GIGYF2: variants seen among roughly 807,000 people sequenced by gnomAD.
GIGYF2 encodes GRB10 interacting GYF protein 2.
Under a neutral mutation model 208.1 loss-of-function variants are expected in GIGYF2, and 25 were observed. The observed-to-expected ratio is 0.12, with a 90% CI of 0.09 to 0.17. The LOEUF is 0.17. Among genes scored for constraint, GIGYF2 ranks in the 10% least tolerant of loss-of-function variants. GIGYF2 has a pLI of 1.00. For missense variants in GIGYF2, 1,302 were observed against 1,579.4 expected, an observed-to-expected ratio of 0.82 and a Z score of 2.98; for synonymous variants, 534 against 543.8, an observed-to-expected ratio of 0.98 and a Z score of 0.25.
rs1459263490 is a variant in GIGYF2 at position 232,816,941 on chromosome 2, A to C, written c.2279A>C (p.Glu760Ala). 8 of 1,612,102 alleles carry C rather than the reference A, an allele frequency of 5.0e-6. No individual in the cohort carries two copies. The highest frequency in any genetic ancestry group is 6.8e-6 in the Non-Finnish European group (8 of 1,178,232). Residue 760 changes from glutamate (E) to alanine (A), a missense_variant, in exon 20 of 29, where the codon GAA (glutamate) becomes GCA (alanine). Physicochemically the swap from Glu to Ala is moderately radical, Grantham distance 107. Coordinates refer to ENST00000373563, the MANE Select transcript of GIGYF2 (RefSeq NM_001103146.3). The stretch of plus-strand genomic sequence containing the variant: ...GAGGAAGAGCGAAAGAGGCAGGAAG[A>C]ACTCCGAAGACAACAGGAGGAAATT... ...REEEERKRQEELRRQQEEILR... is the reference protein window; with the variant it reads ...REEEERKRQEALRRQQEEILR...
At chr2:232,812,310 A>C in intron 17 of GIGYF2, 81 bp from the exon 18 acceptor site, 4 of 711,150 alleles carry the variant, frequency 5.6e-6, no homozygotes, top group Non-Finnish European at 5.1e-6. Context: ...AGAACCTGCT[A>C]ATCTAGAAAT....
At chr2:232,809,901 A>G (rs1303922873) in intron 16 of GIGYF2, 90 bp downstream of exon 16, 7 of 813,788 alleles carry the variant, frequency 8.6e-6, no homozygotes, top group Non-Finnish European at 1.5e-5. Context: ...TACAGTAGAG[A>G]GGACTAACGG....
chr2:232,782,591 G>C (rs1472895581), intron 8 of GIGYF2: 1 of 152,170 alleles, frequency 6.6e-6, no homozygotes, highest in Non-Finnish European at 1.5e-5. Flanking sequence ...CGTGTGGTTT[G>C]TTTATACAGT....
At position 232,739,828 on chromosome 2, in the gene GIGYF2, G is replaced by A. The variant is rs549112801; in HGVS notation, c.41+4590G>A. 7.9e-5 allele frequency among the ~76,000 whole-genome samples: 12 copies of A among 151,744 alleles called. 1 individual carries two copies. In the South Asian group the frequency reaches 2.1e-3, roughly 26 times the overall value. Reference sequence around the variant, plus strand: ...AAAAACAAATATTTAGGCCGGGCGCGGTGGCACATGCCTGTAATCCCAGCA... The same window carrying A: ...AAAAACAAATATTTAGGCCGGGCGCAGTGGCACATGCCTGTAATCCCAGCA... On this transcript the variant is annotated intron_variant, in intron 3 of 28. Transcript: ENST00000373563.
chr2:232,814,801 A>G (rs537147161), intron 18 of GIGYF2, among the ~76,000 whole-genome samples: 159 of 152,226 alleles, frequency 1.0e-3, no homozygotes, highest in African/African-American at 3.5e-3. Context: ...GTATTAAACA[A>G]TTTATCTCTT....
chr2:232,770,752 C>A, intron 8 of GIGYF2: 1 of 645,110 alleles, frequency 1.6e-6, no homozygotes. Flanking sequence ...TAAACTGTTT[C>A]TTTTCTATCT....
intron 2 of GIGYF2, among the ~76,000 whole-genome samples, chr2:232,718,578 T>G (rs1319156266): frequency 6.6e-6 from 1 of 152,214 alleles, no homozygotes; most frequent in African/African-American, 2.4e-5. Flanking sequence ...TCAGTTTCCT[T>G]GGATGTATGT....
intron 2 of GIGYF2, among the ~76,000 whole-genome samples, chr2:232,730,933 C>T (rs1697464074): frequency 2.1e-5 from 3 of 142,002 alleles, no homozygotes; most frequent in Non-Finnish European, 4.6e-5. Context: ...GAAATCTTTA[C>T]ATTAGGAAAT....
In GIGYF2 at chr2:232,803,958, A is replaced by T. The variant is rs1480332303; in HGVS notation, c.1640-2533A>T. On this transcript the variant is annotated intron_variant, in intron 14 of 28. Coordinates refer to ENST00000373563, the MANE Select transcript of GIGYF2 (RefSeq NM_001103146.3). The stretch of plus-strand genomic sequence containing the variant: ...CGCCTCCGCCTCCCAAAGTGCTGGG[A>T]TTACAGGCCTATTTCTGCTTCTTAA... Among the ~76,000 whole-genome samples the T allele has an allele frequency of 3.3e-4, 5 of 15,110 alleles. 1 individual carries two copies. The highest frequency in any genetic ancestry group is 7.9e-4 in the African/African-American group (2 of 2,542). The allele number at this position is 15,110 out of a possible 152,430, so 9.9% of individuals were successfully genotyped here.
rs573984723 is a variant in GIGYF2, at chr2:232,727,646, A to T, written c.-43-7509A>T. Among the ~76,000 whole-genome samples the T allele has an allele frequency of 4.6e-5, 7 of 152,314 alleles. No individual in the cohort carries two copies. In the East Asian group the frequency reaches 1.3e-3, roughly 29 times the overall value. Reference sequence around the variant, plus strand: ...GAGTTTAGTGAAGGGTTTGGGCTAGAGATCTCTACCTCTGTGGTCTTTCTC... The same window carrying T: ...GAGTTTAGTGAAGGGTTTGGGCTAGTGATCTCTACCTCTGTGGTCTTTCTC... On this transcript the variant is annotated intron_variant, in intron 2 of 28. Transcript: ENST00000373563.
At chr2:232,812,344 T>TTC in intron 17 of GIGYF2, 47 bp from the exon 18 acceptor site, 1 of 811,630 alleles carries the variant, frequency 1.2e-6, no homozygotes, top group South Asian at 1.4e-5. Flanking sequence ...TTTTTTTTTT[T>TTC]CCTGCAAATG....
At position 232,803,674 on chromosome 2, in the gene GIGYF2, CTTTTT is replaced by C. The variant is rs768507929; in HGVS notation, c.1640-2797_1640-2793del. Among the ~76,000 whole-genome samples, 271 of 49,878 alleles carry C rather than the reference CTTTTT, an allele frequency of 5.4e-3. 8 individuals carry two copies. Among genetic ancestry groups the C allele is most frequent in the African/African-American group, 0.03 (237 of 7,906 alleles). The allele number at this position is 49,878 out of a possible 152,430, so 32.7% of individuals were successfully genotyped here. A position where few individuals can be genotyped will look rare whatever the true frequency, so the allele number is the denominator to read the frequency against. On this transcript the variant is annotated intron_variant, in intron 14 of 28. Coordinates refer to ENST00000373563, the MANE Select transcript of GIGYF2 (RefSeq NM_001103146.3). ...TGTGGGTCTGTTTCTATTTCTGCTT[CTTTTT>C]TTTTTTTTTTTTTTTTTTTGAGACG...
chr2:232,769,668 A>G (rs773686065), intron 8 of GIGYF2, among the ~76,000 whole-genome samples: 6 of 152,234 alleles, frequency 3.9e-5, no homozygotes, highest in Admixed American at 2.0e-4. Context: ...GCCCTAAGCT[A>G]TATATAAGAG....
At chr2:232,808,685 T>G (rs1245904637) in intron 15 of GIGYF2, among the ~76,000 whole-genome samples, 1 of 152,172 alleles carries the variant, frequency 6.6e-6, no homozygotes. Flanking sequence ...TATAAACTCA[T>G]GATTTACCTA....
At chr2:232,775,814 A>G (rs1699488656) in intron 8 of GIGYF2, among the ~76,000 whole-genome samples, 1 of 152,172 alleles carries the variant, frequency 6.6e-6, no homozygotes. Flanking sequence ...TGGCATTACT[A>G]TGTATTTGTT....
intron 8 of GIGYF2, among the ~76,000 whole-genome samples, chr2:232,779,507 G>C (rs1037139181): frequency 9.2e-5 from 14 of 152,114 alleles, no homozygotes; most frequent in African/African-American, 3.4e-4. Context: ...GTTAGCTCTG[G>C]TCTCCATGTT....
chr2:232,714,098 C>T (rs1696560426), intron 2 of GIGYF2, among the ~76,000 whole-genome samples: 1 of 152,048 alleles, frequency 6.6e-6, no homozygotes, highest in African/African-American at 2.4e-5. Context: ...TACAGGCACC[C>T]ACCACCATGC....
At position 232,859,139 on chromosome 2, in the gene GIGYF2, C is replaced by G. The variant is rs190711068; in HGVS notation, c.*2279C>G. On this transcript the variant is annotated 3_prime_UTR_variant, in exon 29 of 29. Transcript: ENST00000373563. Reference sequence around the variant, plus strand: ...CTTCCCTGGGAATGTTTGTTTCTGTCTCTCTCAATGCTACTCTCTTTCATA... The same window carrying G: ...CTTCCCTGGGAATGTTTGTTTCTGTGTCTCTCAATGCTACTCTCTTTCATA... The G allele has an allele frequency of 3.3e-5, 5 of 152,422 alleles. No homozygotes were observed. The East Asian group carries it at 9.7e-4, about 29-fold the overall frequency. 9.4% of individuals were successfully genotyped at this position (152,422 alleles called of 1,614,324 possible).
intron 8 of GIGYF2, among the ~76,000 whole-genome samples, chr2:232,783,239 A>G (rs1250911807): frequency 6.6e-6 from 1 of 152,198 alleles, no homozygotes; most frequent in African/African-American, 2.4e-5. Context: ...TTGTTCCAAA[A>G]AGGATTTGAG....
Sources: allele counts gnomAD v4.1 joint callset (sites outside exome capture counted in the v4.1 genomes callset), GRCh38; gene constraint gnomAD v4.1.1; transcripts MANE v1.5; gene names NCBI Gene and HGNC (gene_info 2026-07-23, HGNC 2026-07-21).